The following TRMT10B variants were observed in gnomAD, a reference collection of about 807,000 sequenced individuals.
TRMT10B encodes tRNA methyltransferase 10B, also known as tRNA methyltransferase 10 homolog B.
Under a neutral mutation model 43.8 loss-of-function variants are expected in TRMT10B, and 33 were observed. The ratio of observed to expected loss-of-function variants is 0.75; its 90% confidence interval spans 0.57 to 1.01. TRMT10B has a LOEUF of 1.01. Ranked by LOEUF, TRMT10B falls within the 50% of genes least tolerant of loss-of-function variation. TRMT10B has a pLI of 0.00. For synonymous variants in TRMT10B, 137 were observed against 130.6 expected, an observed-to-expected ratio of 1.05 and a Z score of -0.34; for missense variants, 362 against 369.8, an observed-to-expected ratio of 0.98 and a Z score of 0.17.
At chr9:37,770,608 G>A (rs867973155) in intron 6 of TRMT10B, 64 bp from the exon 7 acceptor site, 3 of 1,388,874 alleles carry the variant, frequency 2.2e-6, no homozygotes, top group Middle Eastern at 4.6e-4. Context: ...CTTTCATTTT[G>A]CTTTCTCTGG....
At chr9:37,776,675 G>A (rs1828186155) in intron 8 of TRMT10B, among the ~76,000 whole-genome samples, 1 of 152,044 alleles carries the variant, frequency 6.6e-6, no homozygotes, top group Non-Finnish European at 1.5e-5. Flanking sequence ...CGAGGTGGGT[G>A]GATCACCTGA....
intron 1 of TRMT10B, among the ~76,000 whole-genome samples, chr9:37,758,808 G>A (rs1302904923): frequency 6.6e-6 from 1 of 152,184 alleles, no homozygotes; most frequent in African/African-American, 2.4e-5. Flanking sequence ...TAATCCTTGA[G>A]GGAAAAGAAA....
At chr9:37,777,328 C>T (rs1828279185) in intron 8 of TRMT10B, among the ~76,000 whole-genome samples, 1 of 148,332 alleles carries the variant, frequency 6.7e-6, no homozygotes, top group Non-Finnish European at 1.5e-5. Context: ...TTGGCCCTTC[C>T]CCATCCCAGG....
upstream of TRMT10B, among the ~76,000 whole-genome samples, chr9:37,753,329 G>C (rs114218232): frequency 2.0e-5 from 3 of 152,152 alleles, no homozygotes; most frequent in Non-Finnish European, 4.4e-5. Flanking sequence ...CAAAGATTCT[G>C]TTGTGTCAGT....
chr9:37,753,968 G>C (rs1050264785), intron 1 of TRMT10B, 116 bp downstream of exon 1: 1 of 152,376 alleles, frequency 6.6e-6, no homozygotes, highest in Admixed American at 6.5e-5. Flanking sequence ...CAGTCATGTG[G>C]CCTGTGGTAC....
chr9:37,754,710 G>A (rs1825425082), intron 1 of TRMT10B, among the ~76,000 whole-genome samples: 1 of 152,198 alleles, frequency 6.6e-6, no homozygotes, highest in African/African-American at 2.4e-5. Context: ...CAAGTCCCCA[G>A]GATGTACTAT....
At chr9:37,757,879 G>T (rs974166760) in intron 1 of TRMT10B, among the ~76,000 whole-genome samples, 5 of 152,180 alleles carry the variant, frequency 3.3e-5, no homozygotes, top group Non-Finnish European at 5.9e-5. Flanking sequence ...GTGGCAAGCT[G>T]GGAAGTGTGT....
At chr9:37,776,992 G>A (rs1451747455) in intron 8 of TRMT10B, among the ~76,000 whole-genome samples, 1 of 150,974 alleles carries the variant, frequency 6.6e-6, no homozygotes, top group Non-Finnish European at 1.5e-5. Context: ...TCGGGAGGTC[G>A]AGACCAGCCT....
At chr9:37,755,449 T>C (rs1825550569) in intron 1 of TRMT10B, among the ~76,000 whole-genome samples, 1 of 152,138 alleles carries the variant, frequency 6.6e-6, no homozygotes, top group African/African-American at 2.4e-5. Context: ...AATTTGGGCA[T>C]AGATAATGTC....
chr9:37,774,037 CCCGT>C (rs1827874208), intron 7 of TRMT10B, among the ~76,000 whole-genome samples: 1 of 151,982 alleles, frequency 6.6e-6, no homozygotes, highest in Non-Finnish European at 1.5e-5. Context: ...GCGCCCCCAC[CCCGT>C]CCAAGACAGG....
At chr9:37,776,545 C>T in intron 8 of TRMT10B, 140 bp downstream of exon 8, 1 of 1,085,402 alleles carries the variant, frequency 9.2e-7, no homozygotes, top group Non-Finnish European at 1.2e-6. Flanking sequence ...GACATATATT[C>T]TGGCCACTAA....
intron 5 of TRMT10B, 102 bp from the exon 6 acceptor site, chr9:37,769,839 G>C (rs905335994): frequency 1.6e-5 from 14 of 891,802 alleles, no homozygotes; most frequent in Non-Finnish European, 2.3e-5. Flanking sequence ...TGGAGCTCAA[G>C]TGATCCTTCC....
intron 3 of TRMT10B, among the ~76,000 whole-genome samples, chr9:37,763,216 G>C (rs188286683): frequency 6.7e-6 from 1 of 150,362 alleles, no homozygotes; most frequent in Non-Finnish European, 1.5e-5. Flanking sequence ...TCTAACTAAC[G>C]TGTTTATAAG....
chr9:37,767,790 A>C (rs1416647120), intron 4 of TRMT10B, among the ~76,000 whole-genome samples: 1 of 152,168 alleles, frequency 6.6e-6, no homozygotes, highest in Non-Finnish European at 1.5e-5. Context: ...ATTACATAAG[A>C]TTTTAGATAA....
At chr9:37,755,188 G>A (rs907642033) in intron 1 of TRMT10B, among the ~76,000 whole-genome samples, 45 of 151,800 alleles carry the variant, frequency 3.0e-4, no homozygotes. Context: ...AGGAGAATGC[G>A]TGAACCTGGG....
chr9:37,770,625 A>T, intron 6 of TRMT10B, 47 bp from the exon 7 acceptor site: 1 of 1,528,306 alleles, frequency 6.5e-7, no homozygotes, highest in African/African-American at 1.4e-5. Context: ...CTGGATTTAG[A>T]AATTATAAAA....
Position 37,762,057 on chromosome 9 carries a change from T to G in TRMT10B, c.126T>G (p.Asp42Glu). ...AAGGCTTCCAGCTTCTGCAGATCGA[T>G]GCGGAAGGCGAGTGCCAGGAGGGAG... is the stretch of plus-strand genomic sequence containing the variant. ...LPEGFQLLQIDAEGECQEGEI... is the reference protein window; with the variant it reads ...LPEGFQLLQIEAEGECQEGEI... Residue 42 changes from aspartate to glutamate, a missense_variant, in exon 2 of 9, where the codon GAT (aspartate) becomes GAG (glutamate). Asp to Glu is a conservative substitution (Grantham distance 45). Coordinates refer to ENST00000297994, the MANE Select transcript of TRMT10B (RefSeq NM_144964.4). The G allele has an allele frequency of 6.2e-7, 1 of 1,614,054 alleles. No homozygotes were observed. The highest frequency in any genetic ancestry group is 8.5e-7 in the Non-Finnish European group (1 of 1,180,018).
chr9:37,755,578 C>G (rs1825565310), intron 1 of TRMT10B, among the ~76,000 whole-genome samples: 1 of 152,188 alleles, frequency 6.6e-6, no homozygotes, highest in Non-Finnish European at 1.5e-5. Flanking sequence ...TGTGCCAGGC[C>G]TTATGCCAGA....
chr9:37,763,702 A>C lies in TRMT10B; in HGVS notation c.369A>C (p.Ser123=). 1 of 1,614,202 alleles carries C rather than the reference A, an allele frequency of 6.2e-7. No individual in the cohort carries two copies. The highest frequency in any genetic ancestry group is 8.5e-7 in the Non-Finnish European group (1 of 1,180,030). Reference sequence around the variant, plus strand: ...ACAAACTTTTGGAAGCCAAACACTCAGGACCAAGACTATGTATCGATTTGA... The same window carrying C: ...ACAAACTTTTGGAAGCCAAACACTCCGGACCAAGACTATGTATCGATTTGA... The part of the protein sequence containing the change: ...TKDKLLEAKH[S]GPRLCIDLSM... Residue 123 remains serine, a synonymous_variant, in exon 4 of 9, where the codon TCA becomes TCC. Transcript: ENST00000297994.
Sources: allele counts gnomAD v4.1 joint callset (sites outside exome capture counted in the v4.1 genomes callset), GRCh38; gene constraint gnomAD v4.1.1; transcripts MANE v1.5; gene names NCBI Gene and HGNC (gene_info 2026-07-23, HGNC 2026-07-21).